Variants in SSH2 observed in about 807,000 individuals in gnomAD.
SSH2 encodes protein phosphatase Slingshot homolog 2.
A neutral mutation model predicts 135.2 loss-of-function variants in SSH2; 37 were observed. That is an observed-to-expected ratio of 0.27 (90% confidence interval 0.21 to 0.36). The LOEUF is 0.36. SSH2 is among the 10% of genes least tolerant of loss of function. The probability of loss-of-function intolerance (pLI) is 1.00; values close to 1 mark genes in which losing one functional copy is unlikely to be tolerated. For missense variants in SSH2, 1,408 were observed against 1,765.3 expected, an observed-to-expected ratio of 0.80 and a Z score of 3.63; for synonymous variants, 628 against 646.2, an observed-to-expected ratio of 0.97 and a Z score of 0.43.
At chr17:29,778,835 C>CAAAAAAAAAAAAAAAAAAAAAAAAAA in intron 3 of SSH2, among the ~76,000 whole-genome samples, 1 of 37,846 alleles carries the variant, frequency 2.6e-5, no homozygotes, top group Non-Finnish European at 4.4e-5. Context: ...CTCCGTCTCC[C>CAAAAAAAAAAAAAAAAAAAAAAAAAA]AAAAAAAAAA....
At chr17:29,699,969 A>G (rs1406820241) in intron 4 of SSH2, among the ~76,000 whole-genome samples, 2 of 152,168 alleles carry the variant, frequency 1.3e-5, no homozygotes. Flanking sequence ...GAGTTCTGGT[A>G]GGAGGAAAAT....
intron 3 of SSH2, among the ~76,000 whole-genome samples, chr17:29,706,371 C>G (rs1252397279): frequency 6.6e-6 from 1 of 152,180 alleles, no homozygotes. Flanking sequence ...CCACAGATGT[C>G]ACTTTAAAAA....
intron 1 of SSH2, among the ~76,000 whole-genome samples, chr17:29,911,479 A>G (rs1388476834): frequency 6.6e-6 from 1 of 152,214 alleles, no homozygotes; most frequent in Admixed American, 6.6e-5. Flanking sequence ...GAGGTAGTAT[A>G]CAACTATAAG....
At chr17:29,825,786 C>T (rs1196633128) in intron 2 of SSH2, among the ~76,000 whole-genome samples, 1 of 152,182 alleles carries the variant, frequency 6.6e-6, no homozygotes, top group African/African-American at 2.4e-5. Context: ...AGAGTGCTTA[C>T]ATAGTGTCTG....
chr17:29,664,160 T>C (rs1383162650), intron 11 of SSH2, among the ~76,000 whole-genome samples: 2 of 152,110 alleles, frequency 1.3e-5, no homozygotes, highest in Admixed American at 1.3e-4. Context: ...GGCGGGAGGA[T>C]CAGGAGTTCA....
intron 2 of SSH2, among the ~76,000 whole-genome samples, chr17:29,847,030 G>A (rs1182781820): frequency 6.6e-6 from 1 of 152,102 alleles, no homozygotes; most frequent in Non-Finnish European, 1.5e-5. Context: ...TTTAAAATTT[G>A]TGAAGTAGGA....
At position 29,703,490 on chromosome 17, in the gene SSH2, G is replaced by A. The variant is rs751981522; in HGVS notation, c.189-428C>T. Among the ~76,000 whole-genome samples, 11 of 152,188 alleles carry A rather than the reference G, an allele frequency of 7.2e-5. No homozygotes were observed. The South Asian group carries it at 2.1e-3, about 29-fold the overall frequency. ...TCAAACTCCTGACCTCAAATGATCC[G>A]CCCACCTCGGCCTCCCAAAGTGCTG... On this transcript the variant is annotated intron_variant, in intron 3 of 15. Transcript: ENST00000540801.
chr17:29,898,091 A>G (rs1042292018), intron 1 of SSH2, among the ~76,000 whole-genome samples: 1 of 152,224 alleles, frequency 6.6e-6, no homozygotes, highest in African/African-American at 2.4e-5. Context: ...GAGAACAAAG[A>G]CACAACATAC....
intron 2 of SSH2, among the ~76,000 whole-genome samples, chr17:29,822,223 A>G (rs2042665937): frequency 6.6e-6 from 1 of 152,238 alleles, no homozygotes; most frequent in Non-Finnish European, 1.5e-5. Flanking sequence ...ACTGGCATTT[A>G]GTAAATGAGT....
At chr17:29,886,491 A>G (rs1402478531) in intron 1 of SSH2, among the ~76,000 whole-genome samples, 1 of 152,086 alleles carries the variant, frequency 6.6e-6, no homozygotes, top group Non-Finnish European at 1.5e-5. Flanking sequence ...TCACACCTGT[A>G]ATCCCAGCAC....
At chr17:29,742,527 T>TTGC (rs2040602775) in intron 3 of SSH2, among the ~76,000 whole-genome samples, 1 of 127,900 alleles carries the variant, frequency 7.8e-6, no homozygotes, top group African/African-American at 3.1e-5. Flanking sequence ...GGAGGTGAGG[T>TTGC]CTCACTATGT....
At chr17:29,766,185 A>G (rs1317381320) in intron 3 of SSH2, among the ~76,000 whole-genome samples, 1 of 151,756 alleles carries the variant, frequency 6.6e-6, no homozygotes, top group Non-Finnish European at 1.5e-5. Context: ...TGAAGTTGAC[A>G]AATGAATGAA....
chr17:29,691,461 T>C (rs1037155024), intron 5 of SSH2, among the ~76,000 whole-genome samples: 3 of 151,072 alleles, frequency 2.0e-5, no homozygotes, highest in African/African-American at 7.3e-5. Context: ...AGAGCTTCCC[T>C]GGAGGAAAAG....
chr17:29,719,474 TC>T (rs201246084), intron 3 of SSH2, among the ~76,000 whole-genome samples: 1 of 143,782 alleles, frequency 7.0e-6, no homozygotes, highest in East Asian at 2.1e-4. Flanking sequence ...ATCGTGCCAC[TC>T]CAGCCTAACA....
At chr17:29,649,074 G>A (rs1021582303) in intron 13 of SSH2, among the ~76,000 whole-genome samples, 3 of 152,112 alleles carry the variant, frequency 2.0e-5, no homozygotes, top group Admixed American at 6.5e-5. Context: ...CTGGGAGGCG[G>A]AGGTTGCAGT....
intron 1 of SSH2, among the ~76,000 whole-genome samples, chr17:29,920,725 G>T (rs1190194730): frequency 3.9e-5 from 6 of 151,912 alleles, no homozygotes; most frequent in Non-Finnish European, 8.8e-5. Context: ...AAAACATATA[G>T]GTCTAAATTT....
intron 3 of SSH2, among the ~76,000 whole-genome samples, chr17:29,727,138 G>A (rs895548758): frequency 1.3e-5 from 2 of 152,096 alleles, no homozygotes; most frequent in Non-Finnish European, 2.9e-5. Context: ...CCCATTCAAC[G>A]GATATGACAA....
At chr17:29,819,125 C>G (rs1456633931) in intron 2 of SSH2, among the ~76,000 whole-genome samples, 3 of 151,884 alleles carry the variant, frequency 2.0e-5, no homozygotes, top group Admixed American at 2.0e-4. Context: ...ACTTGGGAGG[C>G]TGAGGCAGGA....
At chr17:29,784,616 T>G (rs1254916913) in intron 3 of SSH2, among the ~76,000 whole-genome samples, 1 of 150,544 alleles carries the variant, frequency 6.6e-6, no homozygotes, top group Non-Finnish European at 1.5e-5. Context: ...AAAAAAAGAA[T>G]AATTAGGGAA....
Sources: gnomAD v4.1 joint callset for allele counts (sites outside exome capture counted in the v4.1 genomes callset) on GRCh38, gnomAD v4.1.1 for gene constraint, MANE v1.5 for transcripts, NCBI Gene and HGNC (gene_info 2026-07-23, HGNC 2026-07-21) for gene names.